Variants in CDH13 observed in about 807,000 individuals in gnomAD.
CDH13 encodes the protein cadherin 13, also known as cadherin-13.
Under a neutral mutation model 63.8 loss-of-function variants are expected in CDH13, and 24 were observed. The observed-to-expected ratio is 0.38, with a 90% confidence interval of 0.27 to 0.53. The LOEUF is 0.53. CDH13 is among the 20% of genes least tolerant of loss of function. The probability of loss-of-function intolerance (pLI) is 0.85; values close to 1 mark genes in which losing one functional copy is unlikely to be tolerated. For missense variants in CDH13, 1,049 were observed against 903.1 expected (o/e 1.16, Z -2.07); for synonymous variants, 503 against 355.3 (o/e 1.42, Z -4.67).
intron 4 of CDH13, among the ~76,000 whole-genome samples, chr16:83,163,722 T>C (rs7198010): frequency 0.48 from 72,340 of 151,906 alleles, 19,169 homozygotes; most frequent in African/African-American, 0.71. Flanking sequence ...GCTTCTTCAG[T>C]GTGGGTTCTT....
intron 3 of CDH13, among the ~76,000 whole-genome samples, chr16:83,099,559 T>C (rs2034372402): frequency 7.9e-6 from 1 of 125,926 alleles, no homozygotes; most frequent in African/African-American, 2.8e-5. Flanking sequence ...CCTAACCTCA[T>C]GTGATCTACC....
intron 9 of CDH13, among the ~76,000 whole-genome samples, chr16:83,675,253 A>T (rs536106618): frequency 6.6e-6 from 1 of 152,300 alleles, no homozygotes; most frequent in South Asian, 2.1e-4. Flanking sequence ...TTAGGAACAG[A>T]GACCCATGTG....
At chr16:82,707,452 A>G (rs960735646) in intron 1 of CDH13, among the ~76,000 whole-genome samples, 1 of 152,240 alleles carries the variant, frequency 6.6e-6, no homozygotes, top group Non-Finnish European at 1.5e-5. Context: ...AGTATCCTCA[A>G]GGCACGGAGA....
intron 2 of CDH13, among the ~76,000 whole-genome samples, chr16:83,009,666 C>G (rs539132416): frequency 6.6e-6 from 1 of 152,288 alleles, no homozygotes; most frequent in East Asian, 1.9e-4. Flanking sequence ...AAAATTGTAT[C>G]TATTAGTGCA....
intron 10 of CDH13, among the ~76,000 whole-genome samples, chr16:83,683,439 T>G (rs1353845551): frequency 2.6e-5 from 4 of 152,216 alleles, no homozygotes; most frequent in African/African-American, 4.8e-5. Flanking sequence ...ATCACGTATG[T>G]GAGTATTCTG....
At chr16:82,652,868 G>C (rs1910888748) in intron 1 of CDH13, among the ~76,000 whole-genome samples, 1 of 152,120 alleles carries the variant, frequency 6.6e-6, no homozygotes, top group Non-Finnish European at 1.5e-5. Context: ...ATTTAACAAA[G>C]ACCAGAAGAA....
intron 5 of CDH13, among the ~76,000 whole-genome samples, chr16:83,228,623 G>A (rs1212382280): frequency 6.6e-6 from 1 of 152,152 alleles, no homozygotes; most frequent in East Asian, 1.9e-4. Flanking sequence ...CGCGGACGGG[G>A]CAGGAAGGGT....
intron 5 of CDH13, among the ~76,000 whole-genome samples, chr16:83,321,578 G>T (rs1345417185): frequency 2.2e-5 from 3 of 133,920 alleles, no homozygotes; most frequent in African/African-American, 8.6e-5. Flanking sequence ...GCCTAGGCTG[G>T]AGTGCAGTGG....
At chr16:83,634,935 T>A (rs1457881392) in intron 8 of CDH13, among the ~76,000 whole-genome samples, 3 of 152,170 alleles carry the variant, frequency 2.0e-5, no homozygotes, top group South Asian at 2.1e-4. Flanking sequence ...ACATTTCCAT[T>A]TTTCTGGGTA....
intron 1 of CDH13, among the ~76,000 whole-genome samples, chr16:82,674,092 T>C (rs1295829180): frequency 2.0e-5 from 3 of 152,192 alleles, no homozygotes; most frequent in Admixed American, 2.0e-4. Context: ...GAACGTACAT[T>C]TGAAGGTGCA....
chr16:83,575,416 C>G lies in CDH13; in HGVS notation c.961-27038C>G, dbSNP rs145216114. Among the ~76,000 whole-genome samples, 715 of 152,322 alleles carry G rather than the reference C, an allele frequency of 4.7e-3. 1 individual carries two copies. The highest frequency in any genetic ancestry group is 7.6e-3 in the Non-Finnish European group (518 of 68,030). On this transcript the variant is annotated intron_variant, in intron 7 of 13. Transcript: ENST00000567109. ...AGTCAACCGCCTGGTTAAATCACCACCGCAGGGATCCTTTTCCTCTCAGGA... is the reference window on the plus strand; with the variant it reads ...AGTCAACCGCCTGGTTAAATCACCAGCGCAGGGATCCTTTTCCTCTCAGGA...
intron 4 of CDH13, among the ~76,000 whole-genome samples, chr16:83,163,648 ACTCT>A (rs1382751696): frequency 1.3e-5 from 2 of 151,326 alleles, no homozygotes; most frequent in Non-Finnish European, 2.9e-5. Context: ...TGTCATCTCC[ACTCT>A]CTTTCTTTCC....
intron 1 of CDH13, among the ~76,000 whole-genome samples, chr16:82,835,721 C>G (rs1302384777): frequency 6.6e-6 from 1 of 152,206 alleles, no homozygotes; most frequent in African/African-American, 2.4e-5. Context: ...CCTAGTTTTG[C>G]TGGTCTCAAC....
intron 1 of CDH13, among the ~76,000 whole-genome samples, chr16:82,852,144 C>G (rs898258901): frequency 1.3e-5 from 2 of 152,190 alleles, no homozygotes; most frequent in East Asian, 1.9e-4. Context: ...GGAAGTTTCT[C>G]TCTTTATTTG....
At chr16:83,406,322 C>T (rs1162145001) in intron 6 of CDH13, among the ~76,000 whole-genome samples, 1 of 152,180 alleles carries the variant, frequency 6.6e-6, no homozygotes, top group African/African-American at 2.4e-5. Flanking sequence ...TCCTGAATCT[C>T]CCACCATCCT....
intron 2 of CDH13, chr16:82,953,490 A>G (rs781416637): frequency 6.6e-6 from 1 of 152,242 alleles, no homozygotes; most frequent in Non-Finnish European, 1.5e-5. Context: ...ATAAAGCTTC[A>G]CAAACAAAAA....
At chr16:83,311,960 G>C (rs943936858) in intron 5 of CDH13, among the ~76,000 whole-genome samples, 8 of 151,414 alleles carry the variant, frequency 5.3e-5, no homozygotes, top group Non-Finnish European at 7.4e-5. Context: ...TGTAATCCCA[G>C]CTCTCGGGAG....
At chr16:83,460,837 A>G (rs1246291109) in intron 6 of CDH13, among the ~76,000 whole-genome samples, 1 of 53,368 alleles carries the variant, frequency 1.9e-5, no homozygotes, top group Non-Finnish European at 3.7e-5. Context: ...GTCTCTACAA[A>G]TAATTAAAAA....
chr16:83,300,231 C>T (rs978266131), intron 5 of CDH13, among the ~76,000 whole-genome samples: 3 of 152,194 alleles, frequency 2.0e-5, no homozygotes, highest in Admixed American at 6.5e-5. Flanking sequence ...AAAAGGTCAA[C>T]TTAGAAAATG....
Sources: gnomAD v4.1 joint callset for allele counts (sites outside exome capture counted in the v4.1 genomes callset) on GRCh38, gnomAD v4.1.1 for gene constraint, MANE v1.5 for transcripts, NCBI Gene and HGNC (gene_info 2026-07-23, HGNC 2026-07-21) for gene names.